The following SLC26A4 variants were observed in gnomAD, a reference collection of about 807,000 sequenced individuals.
SLC26A4 encodes solute carrier family 26 member 4.
Under a neutral mutation model 90.4 loss-of-function variants are expected in SLC26A4, and 93 were observed. That is an observed-to-expected ratio of 1.03 (90% CI 0.87 to 1.22). The LOEUF is 1.22. SLC26A4 is among the 50% of genes most tolerant of loss of function. The pLI is 0.00. For missense variants in SLC26A4, 1,127 were observed against 946.2 expected, an observed-to-expected ratio of 1.19 and a Z score of -2.51; for synonymous variants, 393 against 354.6, an observed-to-expected ratio of 1.11 and a Z score of -1.22.
intron 3 of SLC26A4, among the ~76,000 whole-genome samples, chr7:107,666,886 T>A (rs1408784804): frequency 6.6e-6 from 1 of 152,034 alleles, no homozygotes; most frequent in African/African-American, 2.4e-5. Context: ...GATATTGCTG[T>A]GAATTAAAGG....
intron 3 of SLC26A4, among the ~76,000 whole-genome samples, chr7:107,667,521 G>T (rs1205922448): frequency 6.7e-6 from 1 of 149,996 alleles, no homozygotes; most frequent in African/African-American, 2.5e-5. Context: ...TTTGCCTGAG[G>T]GGTGGGGTAT....
chr7:107,663,301 C>A lies in SLC26A4; in HGVS notation c.170C>A (p.Ser57Ter), dbSNP rs111033200. The change falls in exon 3 of 21, where the codon TCA (serine) becomes TAA (stop). Residue 57 changes from serine to a stop codon, truncating the protein, a stop_gained. Transcript: ENST00000644269. LOFTEE classifies it high-confidence loss of function. Reference protein sequence around the residue: ...RESLAKCCSCSRKRAFGVLKT... With the variant: ...RESLAKCCSC ...GTTTTCTTGCTTTTTGACAGTTGTT[C>A]AAGAAAGAGAGCCTTTGGTGTGCTA... 8 of 1,614,146 alleles carry A rather than the reference C, an allele frequency of 5.0e-6. No individual in the cohort carries two copies. The South Asian group carries it at 7.7e-5, about 16-fold the overall frequency.
At chr7:107,711,085 C>T (rs1385326928) in intron 19 of SLC26A4, among the ~76,000 whole-genome samples, 2 of 150,090 alleles carry the variant, frequency 1.3e-5, no homozygotes, top group Non-Finnish European at 3.0e-5. Flanking sequence ...AGAGATTGTT[C>T]TATTTGATGT....
At chr7:107,702,095 T>G in intron 17 of SLC26A4, 38 bp downstream of exon 17, 1 of 1,346,326 alleles carries the variant, frequency 7.4e-7, no homozygotes, top group Non-Finnish European at 1.1e-6. Context: ...ATTTGGAGCT[T>G]TGGCAATAGT....
At chr7:107,691,295 A>G (rs936415162) in intron 10 of SLC26A4, among the ~76,000 whole-genome samples, 25 of 152,068 alleles carry the variant, frequency 1.6e-4, no homozygotes, top group African/African-American at 5.8e-4. Flanking sequence ...TGAGGTCAGG[A>G]GTTCGAGACT....
chr7:107,683,193 T>C lies in SLC26A4; in HGVS notation c.766-9T>C. On this transcript the variant is annotated splice_polypyrimidine_tract_variant and intron_variant, in intron 6 of 20. Coordinates refer to ENST00000644269, the MANE Select transcript of SLC26A4 (RefSeq NM_000441.2). ...GCAGGAAGTATATAAAATTATTTTC[T>C]TTTTATAGACGCTGGTTGAGATTTT... 3 of 1,607,516 alleles carry C rather than the reference T, an allele frequency of 1.9e-6. No homozygotes were observed. The highest frequency in any genetic ancestry group is 1.7e-5 in the Admixed American group (1 of 59,928).
chr7:107,670,882 G>C (rs1253290258), intron 3 of SLC26A4, among the ~76,000 whole-genome samples: 1 of 152,168 alleles, frequency 6.6e-6, no homozygotes, highest in South Asian at 2.1e-4. Flanking sequence ...ATGTAAACTA[G>C]AATGTTGATT....
chr7:107,673,481 T>C (rs111974679), intron 4 of SLC26A4, among the ~76,000 whole-genome samples: 2 of 152,078 alleles, frequency 1.3e-5, no homozygotes, highest in African/African-American at 4.8e-5. Context: ...TTAATGAGAT[T>C]ATATGAAATA....
At chr7:107,696,945 G>T (rs1791759135) in intron 13 of SLC26A4, among the ~76,000 whole-genome samples, 2 of 152,156 alleles carry the variant, frequency 1.3e-5, no homozygotes, top group African/African-American at 4.8e-5. Context: ...CTTCAGCTTA[G>T]CATCCGCTCA....
chr7:107,672,287 T>G, intron 4 of SLC26A4, 39 bp downstream of exon 4: 1 of 1,347,282 alleles, frequency 7.4e-7, no homozygotes, highest in Non-Finnish European at 1.1e-6. Flanking sequence ...TTTGCTCATG[T>G]TTAAAGTGTT....
intron 14 of SLC26A4, among the ~76,000 whole-genome samples, chr7:107,699,161 T>A (rs951337240): frequency 6.6e-5 from 10 of 152,076 alleles, no homozygotes; most frequent in African/African-American, 2.4e-4. Context: ...TTTTTTGGCT[T>A]TGGGGAGGGA....
At chr7:107,679,189 C>T (rs1175380936) in intron 6 of SLC26A4, among the ~76,000 whole-genome samples, 3 of 152,080 alleles carry the variant, frequency 2.0e-5, no homozygotes, top group African/African-American at 7.2e-5. Context: ...TAAGTAAATC[C>T]CAGTCCACTT....
At chr7:107,677,764 C>T (rs1001187535) in intron 6 of SLC26A4, among the ~76,000 whole-genome samples, 3 of 151,912 alleles carry the variant, frequency 2.0e-5, no homozygotes, top group African/African-American at 7.3e-5. Flanking sequence ...CACCACCACA[C>T]CTGGCTAATT....
intron 14 of SLC26A4, among the ~76,000 whole-genome samples, chr7:107,699,267 C>T (rs1362048460): frequency 2.0e-5 from 3 of 152,128 alleles, no homozygotes; most frequent in Non-Finnish European, 2.9e-5. Flanking sequence ...GTTTTCTCAT[C>T]TGAAGCAGCT....
In SLC26A4 at chr7:107,664,521, C is replaced by T. The variant is rs146560725; in HGVS notation, c.304+1086C>T. 4.7e-3 allele frequency among the ~76,000 whole-genome samples: 715 copies of T among 151,848 alleles called. 6 individuals are homozygous for T. Among genetic ancestry groups the T allele is most frequent in the African/African-American group, 0.016 (662 of 41,394 alleles). ...TACTGTGATTACAGGCATGAGCCAC[C>T]ATGCCCAGCCTCCCACACGTGGATC... On this transcript the variant is annotated intron_variant, in intron 3 of 20. Transcript: ENST00000644269.
chr7:107,690,189 T>G lies in SLC26A4; in HGVS notation c.1215T>G (p.Thr405=), dbSNP rs1332330407. Residue 405 remains threonine (T), a synonymous_variant, in exon 10 of 21, where the codon ACT becomes ACG. Transcript: ENST00000644269. The part of the protein sequence containing the change: ...SGFFSCFVAT[T]ALSRTAVQES... The stretch of plus-strand genomic sequence containing the variant: ...TCTTCTCTTGTTTTGTGGCCACCAC[T>G]GCTCTTTCCCGCACGGCCGTCCAGG... 1 of 1,613,584 alleles carries G rather than the reference T, an allele frequency of 6.2e-7. No homozygotes were observed. The highest frequency in any genetic ancestry group is 8.5e-7 in the Non-Finnish European group (1 of 1,179,550).
In SLC26A4 at chr7:107,665,079, C is replaced by T. The variant is rs143650019; in HGVS notation, c.304+1644C>T. 2.6e-3 allele frequency among the ~76,000 whole-genome samples: 399 copies of T among 152,140 alleles called. 1 individual carries two copies. Among genetic ancestry groups the T allele is most frequent in the African/African-American group, 8.8e-3 (367 of 41,510 alleles). On this transcript the variant is annotated intron_variant, in intron 3 of 20. Transcript: ENST00000644269. Reference sequence around the variant, plus strand: ...GAGTGCAAATGAGGTTCACTCAAAGCGGTCTTAGGGGATCTTGAATAGCTT... The same window carrying T: ...GAGTGCAAATGAGGTTCACTCAAAGTGGTCTTAGGGGATCTTGAATAGCTT...
intron 9 of SLC26A4, among the ~76,000 whole-genome samples, 158 bp from the exon 10 acceptor site, chr7:107,689,966 A>G (rs1584324915): frequency 1.3e-5 from 2 of 152,302 alleles, no homozygotes; most frequent in Admixed American, 1.3e-4. Flanking sequence ...CTGATGTCGT[A>G]CAAGGACCCC....
chr7:107,666,019 C>T lies in SLC26A4; in HGVS notation c.304+2584C>T, dbSNP rs556810805. On this transcript the variant is annotated intron_variant, in intron 3 of 20. Coordinates refer to ENST00000644269, the MANE Select transcript of SLC26A4 (RefSeq NM_000441.2). ...CTTAATAAATATTTATAAACTAATT[C>T]TGTAGACCAGGTATCCAGCCATGTG... 2.1e-3 allele frequency among the ~76,000 whole-genome samples: 325 copies of T among 152,292 alleles called. 4 individuals are homozygous for T. Among genetic ancestry groups the T allele is most frequent in the African/African-American group, 7.0e-3 (292 of 41,558 alleles).
Sources: allele counts gnomAD v4.1 joint callset (sites outside exome capture counted in the v4.1 genomes callset), GRCh38; gene constraint gnomAD v4.1.1; transcripts MANE v1.5; gene names NCBI Gene and HGNC (gene_info 2026-07-23, HGNC 2026-07-21).